CHAF1B: variants seen among roughly 807,000 people sequenced by gnomAD.
CHAF1B encodes the protein CAF-1 subunit B.
A neutral mutation model predicts 60.7 loss-of-function variants in CHAF1B; 10 were observed. The ratio of observed to expected loss-of-function variants is 0.16; its 90% CI spans 0.10 to 0.28. CHAF1B has a LOEUF of 0.28. CHAF1B is among the 10% of genes least tolerant of loss of function. CHAF1B has a pLI of 1.00. For synonymous variants in CHAF1B, 261 were observed against 266.1 expected (o/e 0.98, Z 0.19); for missense variants, 558 against 708.4 (o/e 0.79, Z 2.41).
rs568383390 is a variant in CHAF1B at position 36,405,694 on chromosome 21, G to T, written c.757+2843G>T. Among the ~76,000 whole-genome samples the T allele has an allele frequency of 2.6e-5, 4 of 152,126 alleles. No homozygotes were observed. The South Asian group carries it at 8.3e-4, about 32-fold the overall frequency. ...ACCCCTTCCGCCTCGGCCTCCCAAAGAGCTGGGATTACAGGTGTGAGCCAC... is the reference window on the plus strand; with the variant it reads ...ACCCCTTCCGCCTCGGCCTCCCAAATAGCTGGGATTACAGGTGTGAGCCAC... On this transcript the variant is annotated intron_variant, in intron 8 of 13. Coordinates refer to ENST00000314103, the MANE Select transcript of CHAF1B (RefSeq NM_005441.3).
intron 11 of CHAF1B, 133 bp from the exon 12 acceptor site, chr21:36,412,751 C>A: frequency 1.2e-6 from 1 of 802,194 alleles, no homozygotes; most frequent in Non-Finnish European, 2.0e-6. Context: ...CTATCACACA[C>A]TCTTTTCCAG....
At chr21:36,409,235 A>G in intron 9 of CHAF1B, 139 bp from the exon 10 acceptor site, 1 of 586,168 alleles carries the variant, frequency 1.7e-6, no homozygotes, top group Non-Finnish European at 3.0e-6. Context: ...TCCTGACCTC[A>G]GGTGATCCGC....
chr21:36,397,315 T>A (rs1413427563), intron 5 of CHAF1B, 100 bp from the exon 6 acceptor site: 16 of 487,430 alleles, frequency 3.3e-5, no homozygotes, highest in Non-Finnish European at 5.0e-5. Context: ...GAGTGATGCG[T>A]GGTAAAGGGA....
At position 36,413,205 on chromosome 21, in the gene CHAF1B, G is replaced by A. The variant is rs201486922; in HGVS notation, c.1383G>A (p.Pro461=). 1.8e-5 allele frequency: 29 copies of A among 1,614,008 alleles called. No homozygotes were observed. Among genetic ancestry groups the A allele is most frequent in the African/African-American group, 6.7e-5 (5 of 74,960 alleles). ...CTCCTGCTGTCAAAAGCCCCTTGCCGGGGCCTTCGGAGGAGAAGACCCTGC... is the reference window on the plus strand; with the variant it reads ...CTCCTGCTGTCAAAAGCCCCTTGCCAGGGCCTTCGGAGGAGAAGACCCTGC... ...SITPAVKSPL[P]GPSEEKTLQP... Residue 461 remains proline, a synonymous_variant, in exon 12 of 14, where the codon CCG becomes CCA. Coordinates refer to ENST00000314103, the MANE Select transcript of CHAF1B (RefSeq NM_005441.3).
In CHAF1B at chr21:36,399,638, C is replaced by T. The variant is rs749739766; in HGVS notation, c.663+33C>T. ...ATATTTTGCCATTCTTTTTCAGCAG[C>T]GCTTTAACTGAGACTTAGGAAGTCA... On this transcript the variant is annotated intron_variant, in intron 7 of 13. Coordinates refer to ENST00000314103, the MANE Select transcript of CHAF1B (RefSeq NM_005441.3). 45 of 1,560,420 alleles carry T rather than the reference C, an allele frequency of 2.9e-5. No homozygotes were observed. In the East Asian group the frequency reaches 6.5e-4, roughly 23 times the overall value.
At chr21:36,404,397 C>G (rs1343609746) in intron 8 of CHAF1B, among the ~76,000 whole-genome samples, 3 of 146,124 alleles carry the variant, frequency 2.1e-5, no homozygotes, top group Admixed American at 2.0e-4. Context: ...CCACGCCCGG[C>G]CCTTTTTTTT....
In CHAF1B at chr21:36,406,324, C is replaced by T. The variant is rs566208902; in HGVS notation, c.758-2437C>T. ...TTTTTTGAGAGGGTTTCACCCTTGT[C>T]GCCCAGGCTTGAGAGCATTGGCGTG... is the stretch of plus-strand genomic sequence containing the variant. On this transcript the variant is annotated intron_variant, in intron 8 of 13. Transcript: ENST00000314103. 3.3e-5 allele frequency among the ~76,000 whole-genome samples: 5 copies of T among 152,266 alleles called. No homozygotes were observed. The South Asian group carries it at 1.0e-3, about 32-fold the overall frequency.
intron 3 of CHAF1B, 129 bp downstream of exon 3, chr21:36,387,859 C>T: frequency 8.4e-7 from 1 of 1,193,914 alleles, no homozygotes; most frequent in Non-Finnish European, 1.2e-6. Flanking sequence ...ACTCTTGTTC[C>T]CCAGGCTGGA....
At position 36,386,162 on chromosome 21, in the gene CHAF1B, C is replaced by T. The variant is rs2086030893; in HGVS notation, c.26C>T (p.Ala9Val). MKVITCEIAWHNKEPVYSL... is the reference protein window; with the variant it reads MKVITCEIVWHNKEPVYSL... ...ATGAAAGTCATCACTTGTGAAATAG[C>T]CTGGCACAACAAGGAGCCCGTGTAC... Residue 9 changes from alanine to valine, a missense_variant, in exon 2 of 14, where the codon GCC (alanine) becomes GTC (valine). By Grantham distance (64) the Ala-to-Val change is moderately conservative (BLOSUM62 0). Coordinates refer to ENST00000314103, the MANE Select transcript of CHAF1B (RefSeq NM_005441.3). 6.2e-7 allele frequency: 1 copy of T among 1,614,168 alleles called. No homozygotes were observed. Among genetic ancestry groups the T allele is most frequent in the Non-Finnish European group, 8.5e-7 (1 of 1,180,024 alleles).
chr21:36,388,576 C>T (rs1016195702), intron 3 of CHAF1B, among the ~76,000 whole-genome samples: 4 of 150,688 alleles, frequency 2.7e-5, no homozygotes, highest in African/African-American at 9.8e-5. Context: ...AAGCGATTCT[C>T]CTGCCTCAGC....
intron 7 of CHAF1B, among the ~76,000 whole-genome samples, chr21:36,401,371 C>T (rs144063647): frequency 0.14 from 18,059 of 127,708 alleles, 1,612 homozygotes; most frequent in African/African-American, 0.24. Context: ...TTATATTATA[C>T]ATAATATATA....
chr21:36,397,537 G>A, intron 6 of CHAF1B, 26 bp downstream of exon 6: 1 of 1,295,596 alleles, frequency 7.7e-7, no homozygotes, highest in Non-Finnish European at 1.1e-6. Context: ...GCATTTACTT[G>A]GAATTTCTTT....
chr21:36,413,968 C>A (rs947295035), intron 12 of CHAF1B, among the ~76,000 whole-genome samples: 1 of 152,198 alleles, frequency 6.6e-6, no homozygotes, highest in Non-Finnish European at 1.5e-5. Context: ...ATGTCTCCAG[C>A]AGCCTGGTCG....
intron 13 of CHAF1B, chr21:36,415,746 TTC>T: frequency 2.3e-6 from 1 of 436,322 alleles, no homozygotes; most frequent in Non-Finnish European, 4.4e-6. Context: ...GCCCATGACA[TTC>T]TTTTTTTTTT....
intron 13 of CHAF1B, chr21:36,415,884 C>G: frequency 2.9e-6 from 1 of 341,824 alleles, no homozygotes; most frequent in Non-Finnish European, 5.7e-6. Flanking sequence ...TCCCGAGTAG[C>G]CGGGACTACA....
intron 3 of CHAF1B, among the ~76,000 whole-genome samples, chr21:36,389,687 G>T (rs2086066971): frequency 8.1e-6 from 1 of 123,552 alleles, no homozygotes; most frequent in Non-Finnish European, 1.7e-5. Context: ...GAAATCTAAA[G>T]TTTTTTTTTG....
At chr21:36,404,306 G>T (rs1369083646) in intron 8 of CHAF1B, among the ~76,000 whole-genome samples, 1 of 150,288 alleles carries the variant, frequency 6.7e-6, no homozygotes, top group East Asian at 1.9e-4. Flanking sequence ...TCACCATGTT[G>T]GTCAGGCTGG....
chr21:36,389,800 T>TGTGTGTGTGCGCGCGCGCGCG, intron 3 of CHAF1B, among the ~76,000 whole-genome samples: 1 of 124,746 alleles, frequency 8.0e-6, no homozygotes, highest in Non-Finnish European at 1.6e-5. Flanking sequence ...TGTGTGTGTG[T>TGTGTGTGTGCGCGCGCGCGCG]GCGCGCGCAC....
chr21:36,402,687 GAAAAATGT>G, intron 7 of CHAF1B, 63 bp from the exon 8 acceptor site: 1 of 1,310,562 alleles, frequency 7.6e-7, no homozygotes, highest in Non-Finnish European at 1.1e-6. Context: ...TAAAGATTTG[GAAAAATGT>G]TTAAGCTTTG....
Sources: gnomAD v4.1 joint callset for allele counts (sites outside exome capture counted in the v4.1 genomes callset) on GRCh38, gnomAD v4.1.1 for gene constraint, MANE v1.5 for transcripts, NCBI Gene and HGNC (gene_info 2026-07-23, HGNC 2026-07-21) for gene names.